MARCHF1: variants seen among roughly 807,000 people sequenced by gnomAD.
MARCHF1 encodes membrane associated ring-CH-type finger 1.
A neutral mutation model predicts 54.2 loss-of-function variants in MARCHF1; 40 were observed. The observed-to-expected ratio is 0.74, with a 90% CI of 0.57 to 0.96. MARCHF1 has a LOEUF of 0.96. Among genes scored for constraint, MARCHF1 ranks in the 40% least tolerant of loss-of-function variants. The pLI, the probability that MARCHF1 is intolerant of heterozygous loss-of-function variation, is 0.00. For missense variants in MARCHF1, 586 were observed against 656.5 expected (o/e 0.89, Z 1.17); for synonymous variants, 236 against 236.3 (o/e 1.00, Z 0.01).
chr4:164,097,542 T>C (rs964665074), intron 2 of MARCHF1, among the ~76,000 whole-genome samples: 3 of 152,206 alleles, frequency 2.0e-5, no homozygotes, highest in African/African-American at 7.2e-5. Flanking sequence ...CCTGTTACTA[T>C]GGCACAAATT....
intron 3 of MARCHF1, among the ~76,000 whole-genome samples, chr4:163,972,557 G>T (rs925777144): frequency 2.0e-5 from 3 of 151,866 alleles, no homozygotes; most frequent in African/African-American, 7.3e-5. Flanking sequence ...TTGTTTTGTT[G>T]TTTTTTTGAG....
intron 9 of MARCHF1, among the ~76,000 whole-genome samples, chr4:163,541,535 T>C (rs1738723142): frequency 6.6e-6 from 1 of 152,184 alleles, no homozygotes; most frequent in Non-Finnish European, 1.5e-5. Context: ...TTTTTTTTCC[T>C]GTCATCGCAG....
chr4:163,824,106 C>G (rs375642709), intron 4 of MARCHF1, among the ~76,000 whole-genome samples: 2 of 151,812 alleles, frequency 1.3e-5, no homozygotes, highest in East Asian at 3.9e-4. Flanking sequence ...TAAAAATGAT[C>G]AACTTAGACA....
At position 164,128,987 on chromosome 4, in the gene MARCHF1, C is replaced by T. The variant is rs115745256; in HGVS notation, c.-322-17325G>A. Among the ~76,000 whole-genome samples, 520 of 152,306 alleles carry T rather than the reference C, an allele frequency of 3.4e-3. 4 individuals are homozygous for T. Among genetic ancestry groups the T allele is most frequent in the African/African-American group, 0.012 (486 of 41,574 alleles). ...GTTGTCCAGCAGCTCCAACTCCCTT[C>T]CCTACCACCCATACAAGTGCCTACC... On this transcript the variant is annotated intron_variant, in intron 1 of 9. Coordinates refer to ENST00000514618, the MANE Select transcript of MARCHF1 (RefSeq NM_001394959.1).
At position 164,032,985 on chromosome 4, in the gene MARCHF1, C is replaced by A. The variant is rs1303707680; in HGVS notation, c.-247-44276G>T. Reference sequence around the variant, plus strand: ...TAGACCAATGCAACAGAATAGAGACCTCAGAAATAACACCACACATCTTCA... The same window carrying A: ...TAGACCAATGCAACAGAATAGAGACATCAGAAATAACACCACACATCTTCA... On this transcript the variant is annotated intron_variant, in intron 2 of 9. Coordinates refer to ENST00000514618, the MANE Select transcript of MARCHF1 (RefSeq NM_001394959.1). Among the ~76,000 whole-genome samples the A allele has an allele frequency of 2.0e-5, 3 of 152,032 alleles. No homozygotes were observed. In the South Asian group the frequency reaches 6.2e-4, roughly 32 times the overall value.
At chr4:163,550,281 CAAAAA>C (rs60320461) in intron 8 of MARCHF1, among the ~76,000 whole-genome samples, 4 of 105,138 alleles carry the variant, frequency 3.8e-5, no homozygotes, top group Non-Finnish European at 5.9e-5. Context: ...GACTCCGTCT[CAAAAA>C]AAAAAAAAAA....
At chr4:163,653,838 A>G (rs7675063) in intron 5 of MARCHF1, among the ~76,000 whole-genome samples, 21,594 of 109,558 alleles carry the variant, frequency 0.2, 1,834 homozygotes, top group East Asian at 0.35. Flanking sequence ...AGTAAAGATG[A>G]TGGGTATGTG....
rs535630665 is a variant in MARCHF1 at position 163,590,128 on chromosome 4, G to T, written c.1011-4199C>A. Among the ~76,000 whole-genome samples the T allele has an allele frequency of 6.6e-4, 100 of 150,678 alleles. 1 individual carries two copies. Among genetic ancestry groups the T allele is most frequent in the East Asian group, 4.3e-3 (22 of 5,116 alleles). Reference sequence around the variant, plus strand: ...TGTTTGAGTTTTAAGAAAAGTAGGGGTCTTTTTTGGGTCTTACATATCTTA... The same window carrying T: ...TGTTTGAGTTTTAAGAAAAGTAGGGTTCTTTTTTGGGTCTTACATATCTTA... On this transcript the variant is annotated intron_variant, in intron 7 of 9. Coordinates refer to ENST00000514618, the MANE Select transcript of MARCHF1 (RefSeq NM_001394959.1).
At chr4:163,601,748 C>T (rs960698163) in intron 7 of MARCHF1, among the ~76,000 whole-genome samples, 16 of 151,962 alleles carry the variant, frequency 1.1e-4, no homozygotes, top group South Asian at 6.2e-4. Flanking sequence ...TTCAAATCTA[C>T]TTTAATTTTT....
At chr4:164,243,971 C>T (rs1475464463) in intron 1 of MARCHF1, among the ~76,000 whole-genome samples, 1 of 152,046 alleles carries the variant, frequency 6.6e-6, no homozygotes, top group South Asian at 2.1e-4. Flanking sequence ...GTCTGAGTGA[C>T]CTACAAAGAG....
intron 5 of MARCHF1, among the ~76,000 whole-genome samples, chr4:163,676,128 A>T (rs931013566): frequency 2.0e-5 from 3 of 148,624 alleles, no homozygotes; most frequent in African/African-American, 5.0e-5. Flanking sequence ...GGATCACCTG[A>T]GGTCAGGAGT....
At chr4:164,235,442 G>A (rs1732521581) in intron 1 of MARCHF1, among the ~76,000 whole-genome samples, 1 of 152,100 alleles carries the variant, frequency 6.6e-6, no homozygotes, top group Admixed American at 6.6e-5. Flanking sequence ...TAAGTGCTGA[G>A]GATTCAGAAC....
At chr4:164,046,926 T>G (rs1754255408) in intron 2 of MARCHF1, among the ~76,000 whole-genome samples, 1 of 152,164 alleles carries the variant, frequency 6.6e-6, no homozygotes, top group Non-Finnish European at 1.5e-5. Context: ...GATAGATTAA[T>G]CTTTTAATAA....
intron 4 of MARCHF1, among the ~76,000 whole-genome samples, chr4:163,728,731 T>C (rs1745742192): frequency 6.6e-6 from 1 of 152,220 alleles, no homozygotes. Context: ...ACATAGACAA[T>C]CATATTTCAT....
chr4:164,093,523 T>C (rs1755347329), intron 2 of MARCHF1, among the ~76,000 whole-genome samples: 1 of 152,190 alleles, frequency 6.6e-6, no homozygotes, highest in Non-Finnish European at 1.5e-5. Context: ...TTCTGTGCTC[T>C]GTTACAAAGA....
chr4:164,095,587 CA>C, intron 2 of MARCHF1, among the ~76,000 whole-genome samples: 1 of 151,960 alleles, frequency 6.6e-6, no homozygotes, highest in East Asian at 1.9e-4. Context: ...TAACATAATA[CA>C]ATTATAATAA....
intron 4 of MARCHF1, among the ~76,000 whole-genome samples, chr4:163,780,128 C>T (rs190921533): frequency 3.3e-4 from 50 of 152,250 alleles, no homozygotes; most frequent in African/African-American, 1.1e-3. Flanking sequence ...TTCCTAAAGA[C>T]AGGTGAAAAA....
chr4:163,682,642 C>T (rs938391346), intron 5 of MARCHF1, among the ~76,000 whole-genome samples: 1 of 152,146 alleles, frequency 6.6e-6, no homozygotes, highest in Non-Finnish European at 1.5e-5. Flanking sequence ...GGAAGGGACC[C>T]AGTGGGAGGT....
intron 1 of MARCHF1, among the ~76,000 whole-genome samples, chr4:164,158,654 T>C (rs1730149337): frequency 6.6e-6 from 1 of 151,954 alleles, no homozygotes; most frequent in East Asian, 1.9e-4. Flanking sequence ...ATAATAATAA[T>C]AAATTAAAAA....
Sources: allele counts gnomAD v4.1 joint callset (sites outside exome capture counted in the v4.1 genomes callset), GRCh38; gene constraint gnomAD v4.1.1; transcripts MANE v1.5; gene names NCBI Gene and HGNC (gene_info 2026-07-23, HGNC 2026-07-21).